The following ANKRD30A variants were observed in gnomAD, a reference collection of about 807,000 sequenced individuals.
ANKRD30A encodes the protein ankyrin repeat domain-containing protein 30A.
Under a neutral mutation model 166.3 loss-of-function variants are expected in ANKRD30A, and 170 were observed. The observed-to-expected ratio is 1.02, with a 90% CI of 0.90 to 1.16. The LOEUF is 1.16. Ranked by LOEUF, ANKRD30A falls within the 50% of genes most tolerant of loss-of-function variation. The pLI is 0.00. For missense variants in ANKRD30A, 1,630 were observed against 1,518.0 expected (o/e 1.07, Z -1.23); for synonymous variants, 564 against 508.9 (o/e 1.11, Z -1.46).
chr10:37,130,331 G>A lies in ANKRD30A; in HGVS notation c.463G>A (p.Val155Met), dbSNP rs768271570. The change falls in exon 3 of 36, where the codon GTG becomes ATG. Residue 155 changes from valine (V) to methionine (M), a missense_variant. Physicochemically the swap from Val to Met is conservative, Grantham distance 21. Transcript: ENST00000361713. Reference sequence around the variant, plus strand: ...TGTTTATAGTGAGATTTTGTCAGTGGTGGCAAAACTGCTGTCCCATGGTGC... The same window carrying A: ...TGTTTATAGTGAGATTTTGTCAGTGATGGCAAAACTGCTGTCCCATGGTGC... ...YAVYSEILSV[V>M]AKLLSHGAVI... 4.9e-5 allele frequency: 77 copies of A among 1,581,170 alleles called. No individual in the cohort carries two copies. The highest frequency in any genetic ancestry group is 6.1e-5 in the Non-Finnish European group (71 of 1,164,438).
Position 37,149,781 on chromosome 10 carries a change from C to T in ANKRD30A, c.1577C>T (p.Ala526Val), listed in dbSNP as rs1381781032. Residue 526 changes from alanine to valine, a missense_variant, in exon 11 of 36, where the codon GCC becomes GTC. Physicochemically the swap from Ala to Val is moderately conservative, Grantham distance 64. Transcript: ENST00000361713. Reference sequence around the variant, plus strand: ...TTTGCTTCCAACCCCATTTAGCCTGCCATTGAAATGCAAAACTCTGTTCCA... The same window carrying T: ...TTTGCTTCCAACCCCATTTAGCCTGTCATTGAAATGCAAAACTCTGTTCCA... ...PPKKPSAFKP[A>V]IEMQNSVPNK... 3.1e-6 allele frequency: 5 copies of T among 1,612,914 alleles called. No homozygotes were observed. The highest frequency in any genetic ancestry group is 1.3e-5 in the African/African-American group (1 of 74,970).
At chr10:37,234,457 G>GT (rs551575163), downstream of ANKRD30A, among the ~76,000 whole-genome samples, 4 of 151,246 alleles carry the variant, frequency 2.6e-5, no homozygotes, top group Admixed American at 6.6e-5. Context: ...CTGGTTTAAA[G>GT]TTTTTTTTTA....
the ANKRD30A span, among the ~76,000 whole-genome samples, chr10:37,243,216 G>A: frequency 2.0e-5 from 3 of 148,942 alleles, no homozygotes; most frequent in Non-Finnish European, 4.4e-5. Flanking sequence ...CTCACTGCAA[G>A]CTCCGCCTCC....
chr10:37,179,500 T>G lies in ANKRD30A; in HGVS notation c.2421+3282T>G, dbSNP rs1840036129. Among the ~76,000 whole-genome samples, 2 of 150,934 alleles carry G rather than the reference T, an allele frequency of 1.3e-5. 1 individual carries two copies. Among genetic ancestry groups the G allele is most frequent in the Non-Finnish European group, 3.0e-5 (2 of 67,388 alleles). On this transcript the variant is annotated intron_variant, in intron 24 of 35. Coordinates refer to ENST00000361713, the MANE Select transcript of ANKRD30A (RefSeq NM_052997.3). The stretch of plus-strand genomic sequence containing the variant: ...GCATACTATTCCTACATTATGGGAA[T>G]GAATACCCATATTCCAAGTATATGG...
At chr10:37,126,055 G>A in intron 1 of ANKRD30A, 47 bp downstream of exon 1, 1 of 1,549,850 alleles carries the variant, frequency 6.5e-7, no homozygotes, top group Non-Finnish European at 8.9e-7. Context: ...GGTGGGGGCG[G>A]TGGGAGGATC....
At chr10:37,247,939 G>A in the ANKRD30A span, among the ~76,000 whole-genome samples, 2 of 150,968 alleles carry the variant, frequency 1.3e-5, no homozygotes, top group African/African-American at 4.9e-5. Context: ...ATACCTGGGT[G>A]ATGAAATAAT....
downstream of ANKRD30A, among the ~76,000 whole-genome samples, chr10:37,236,006 G>A (rs1264328246): frequency 6.6e-6 from 1 of 152,062 alleles, no homozygotes; most frequent in Non-Finnish European, 1.5e-5. Context: ...CTGACCTCGT[G>A]ATCTGCCTGC....
At chr10:37,221,016 A>G (rs932523967) in intron 34 of ANKRD30A, among the ~76,000 whole-genome samples, 1 of 150,604 alleles carries the variant, frequency 6.6e-6, no homozygotes, top group Non-Finnish European at 1.5e-5. Flanking sequence ...TCCACTGTGT[A>G]GAATTTACCA....
chr10:37,155,099 A>G (rs576583831), intron 13 of ANKRD30A, among the ~76,000 whole-genome samples: 1 of 152,296 alleles, frequency 6.6e-6, no homozygotes, highest in South Asian at 2.1e-4. Flanking sequence ...AAACCATAAA[A>G]TTCTGAATTT....
intron 35 of ANKRD30A, among the ~76,000 whole-genome samples, chr10:37,232,135 G>A (rs753069057): frequency 8.6e-5 from 13 of 151,826 alleles, no homozygotes; most frequent in Non-Finnish European, 1.6e-4. Context: ...ACATGTAGAT[G>A]TTCATTATTT....
At chr10:37,149,708 T>C (rs778216167) in intron 10 of ANKRD30A, 29 bp downstream of exon 10, 1 of 1,612,260 alleles carries the variant, frequency 6.2e-7, no homozygotes, top group Non-Finnish European at 8.5e-7. Flanking sequence ...TCATTTTGAA[T>C]GACTTATTAA....
chr10:37,178,779 C>T (rs1398685927), intron 24 of ANKRD30A, among the ~76,000 whole-genome samples: 1 of 101,824 alleles, frequency 9.8e-6, no homozygotes, highest in African/African-American at 4.0e-5. Flanking sequence ...ATTATTTTTG[C>T]TAAAGCAGAG....
intron 1 of ANKRD30A, among the ~76,000 whole-genome samples, chr10:37,126,614 C>T (rs979009520): frequency 6.6e-5 from 10 of 152,142 alleles, no homozygotes; most frequent in African/African-American, 1.7e-4. Flanking sequence ...ATCAGTTTTA[C>T]ATAAACCAAA....
rs757312417 is a variant in ANKRD30A, at chr10:37,197,480, G to A, written c.2716G>A (p.Asp906Asn). ...ELKNEQTLRA[D>N]QMFPSESKQK... is the part of the protein sequence containing the mutation. ...GAAGAATGAACAAACATTGAGAGCA[G>A]GTACATTTTTCAATGTAACTATGCG... Residue 906 changes from aspartate (D) to asparagine (N), a missense_variant and splice_region_variant, in exon 29 of 36, where the codon GAT (aspartate) becomes AAT (asparagine). Asp to Asn is a conservative substitution (Grantham distance 23). Around this residue, in one of 4 missense-constraint regions of ANKRD30A, gnomAD observed 712 missense variants for 629.3 expected, o/e 1.13. Transcript: ENST00000361713. 23 of 1,612,030 alleles carry A rather than the reference G, an allele frequency of 1.4e-5. No homozygotes were observed. Among genetic ancestry groups the A allele is most frequent in the Non-Finnish European group, 1.9e-5 (23 of 1,179,632 alleles).
the ANKRD30A span, among the ~76,000 whole-genome samples, chr10:37,254,246 GC>G: frequency 3.9e-5 from 6 of 152,128 alleles, no homozygotes; most frequent in Non-Finnish European, 8.8e-5. Context: ...GAATGGAATT[GC>G]TAGGTCATAA....
At chr10:37,242,259 A>G in the ANKRD30A span, among the ~76,000 whole-genome samples, 8 of 152,156 alleles carry the variant, frequency 5.3e-5, no homozygotes, top group Non-Finnish European at 8.8e-5. Context: ...TTAGTTTTAT[A>G]TCATACTTTT....
the ANKRD30A span, among the ~76,000 whole-genome samples, chr10:37,263,155 C>T: frequency 6.6e-6 from 1 of 150,810 alleles, no homozygotes; most frequent in African/African-American, 2.4e-5. Flanking sequence ...GTTTGTTTCT[C>T]ATGAAGTGTC....
At chr10:37,231,180 T>A (rs1843396211) in intron 34 of ANKRD30A, among the ~76,000 whole-genome samples, 1 of 151,984 alleles carries the variant, frequency 6.6e-6, no homozygotes, top group Admixed American at 6.6e-5. Flanking sequence ...AAATACAACA[T>A]GATGTTTTGA....
the ANKRD30A span, among the ~76,000 whole-genome samples, chr10:37,241,724 G>T: frequency 6.6e-6 from 1 of 152,108 alleles, no homozygotes; most frequent in Non-Finnish European, 1.5e-5. Context: ...TCAAATTTAT[G>T]TAATTTTAAG....
Sources: gnomAD v4.1 joint callset for allele counts (sites outside exome capture counted in the v4.1 genomes callset) on GRCh38, gnomAD v4.1.1 for gene constraint, gnomAD v4.1.1 regional missense constraint, MANE v1.5 for transcripts, NCBI Gene and HGNC (gene_info 2026-07-23, HGNC 2026-07-21) for gene names.